The following CHSY3 variants were observed in gnomAD, a reference collection of about 807,000 sequenced individuals.
CHSY3 encodes the protein chondroitin sulfate synthase 3, also known as N-acetylgalactosaminyl-proteoglycan 3-beta-glucuronosyltransferase 3.
Under a neutral mutation model 67.2 loss-of-function variants are expected in CHSY3, and 35 were observed. That is an observed-to-expected ratio of 0.52 (90% CI 0.40 to 0.69). The LOEUF is 0.69. Among genes scored for constraint, CHSY3 ranks in the 30% least tolerant of loss-of-function variants. The probability of loss-of-function intolerance (pLI) is 0.00; values close to 1 mark genes in which losing one functional copy is unlikely to be tolerated. For synonymous variants in CHSY3, 474 were observed against 434.7 expected, an observed-to-expected ratio of 1.09 and a Z score of -1.12; for missense variants, 1,069 against 1,138.5, an observed-to-expected ratio of 0.94 and a Z score of 0.88.
At chr5:129,967,038 T>C (rs1314097076) in intron 2 of CHSY3, among the ~76,000 whole-genome samples, 2 of 151,776 alleles carry the variant, frequency 1.3e-5, no homozygotes, top group African/African-American at 2.4e-5. Flanking sequence ...ATAACCAATT[T>C]AGAGTGGCAG....
intron 2 of CHSY3, among the ~76,000 whole-genome samples, chr5:129,926,323 T>A (rs1399256136): frequency 2.6e-5 from 4 of 152,034 alleles, no homozygotes; most frequent in African/African-American, 9.6e-5. Flanking sequence ...CCATCTGAAA[T>A]GTCTTTATTT....
chr5:130,093,337 A>C (rs1052340707), intron 2 of CHSY3, among the ~76,000 whole-genome samples: 2 of 152,216 alleles, frequency 1.3e-5, no homozygotes, highest in African/African-American at 4.8e-5. Flanking sequence ...CTTTTGAAGC[A>C]CAAGTACTGT....
chr5:129,942,837 CATGTTGCAAGTTGAGTAGTTA>C (rs1233606579), intron 2 of CHSY3, among the ~76,000 whole-genome samples: 2 of 152,128 alleles, frequency 1.3e-5, no homozygotes, highest in Admixed American at 1.3e-4. Context: ...TCACTTATGA[CATGTTGCAAGTTGAGTAGTTA>C]ATGGATATAT....
chr5:129,994,666 G>A (rs1364566629), intron 2 of CHSY3, among the ~76,000 whole-genome samples: 2 of 152,094 alleles, frequency 1.3e-5, no homozygotes, highest in East Asian at 3.9e-4. Context: ...AACAATGATA[G>A]ACTGGTTTAA....
intron 2 of CHSY3, among the ~76,000 whole-genome samples, chr5:130,139,677 A>C (rs1226970870): frequency 1.3e-5 from 2 of 152,216 alleles, no homozygotes; most frequent in East Asian, 3.9e-4. Context: ...TATGGTGAAG[A>C]ATATTCATAA....
At chr5:129,947,979 A>T (rs1449581537) in intron 2 of CHSY3, among the ~76,000 whole-genome samples, 1 of 152,144 alleles carries the variant, frequency 6.6e-6, no homozygotes, top group African/African-American at 2.4e-5. Flanking sequence ...CTATTCAGCT[A>T]TGTATGTTTC....
chr5:130,137,262 C>T (rs1361053919), intron 2 of CHSY3, among the ~76,000 whole-genome samples: 1 of 152,172 alleles, frequency 6.6e-6, no homozygotes, highest in East Asian at 1.9e-4. Flanking sequence ...AACCAAAATA[C>T]ATCTTCCTAC....
chr5:130,011,126 A>C (rs1056675145), intron 2 of CHSY3, among the ~76,000 whole-genome samples: 2 of 152,190 alleles, frequency 1.3e-5, no homozygotes, highest in Non-Finnish European at 2.9e-5. Context: ...TCATGCTCTG[A>C]AGCCAGTATC....
intron 2 of CHSY3, among the ~76,000 whole-genome samples, chr5:130,025,692 G>C (rs1258948336): frequency 1.3e-5 from 2 of 152,142 alleles, no homozygotes; most frequent in East Asian, 3.9e-4. Context: ...TCTTTGGGCT[G>C]TGTCCTCCCA....
In CHSY3 at chr5:129,904,947, C is replaced by G. The variant is rs1274850268; in HGVS notation, c.118C>G (p.Arg40Gly). ...RVAELSERKR[R>G]GSSLCSYYGR... ...GGCGGAGCTGAGCGAGAGGAAGAGA[C>G]GTGGCTCCAGCCTCTGCTCCTACTA... Residue 40 changes from arginine to glycine, a missense_variant, in exon 1 of 3, where the codon CGT becomes GGT. Physicochemically the swap from Arg to Gly is moderately radical, Grantham distance 125. This residue lies in a region of CHSY3 where 309 missense variants were observed against 262.5 expected (regional missense o/e 1.18). Coordinates refer to ENST00000305031, the MANE Select transcript of CHSY3 (RefSeq NM_175856.5). 1 of 1,556,424 alleles carries G rather than the reference C, an allele frequency of 6.4e-7. No homozygotes were observed. The highest frequency in any genetic ancestry group is 8.7e-7 in the Non-Finnish European group (1 of 1,155,726).
intron 2 of CHSY3, among the ~76,000 whole-genome samples, chr5:130,000,582 C>T (rs896179019): frequency 1.4e-5 from 2 of 140,168 alleles, no homozygotes; most frequent in African/African-American, 2.6e-5. Flanking sequence ...TTGTTGCCTT[C>T]TTTCACCCAC....
In CHSY3 at chr5:129,904,609, G is replaced by A; in HGVS notation, c.-221G>A. On this transcript the variant is annotated 5_prime_UTR_variant, in exon 1 of 3. Transcript: ENST00000305031. ...GAAGTTTCACTCCCGACCCTTGCTC[G>A]GAGCCCCGGCCCAGAGCTGAGCGGG... 1.5e-6 allele frequency: 1 copy of A among 688,560 alleles called. No individual in the cohort carries two copies. Among genetic ancestry groups the A allele is most frequent in the East Asian group, 4.1e-5 (1 of 24,278 alleles). 42.7% of individuals were successfully genotyped at this position (688,560 alleles called of 1,614,324 possible). A position where few individuals can be genotyped will look rare whatever the true frequency, so the allele number is the denominator to read the frequency against.
chr5:130,042,672 A>G (rs1057234942), intron 2 of CHSY3, among the ~76,000 whole-genome samples: 4 of 152,142 alleles, frequency 2.6e-5, no homozygotes, highest in African/African-American at 9.7e-5. Flanking sequence ...CTTTCTTAAC[A>G]TGTATAGAAA....
At chr5:130,072,923 T>C (rs968882325) in intron 2 of CHSY3, among the ~76,000 whole-genome samples, 1 of 152,118 alleles carries the variant, frequency 6.6e-6, no homozygotes, top group African/African-American at 2.4e-5. Flanking sequence ...ATCTCACTTA[T>C]ATATGGAATC....
chr5:129,942,944 T>C (rs1487761180), intron 2 of CHSY3, among the ~76,000 whole-genome samples: 1 of 152,194 alleles, frequency 6.6e-6, no homozygotes, highest in Non-Finnish European at 1.5e-5. Flanking sequence ...TTTTCTTGGA[T>C]GTAAAAGAGT....
intron 2 of CHSY3, among the ~76,000 whole-genome samples, chr5:130,096,982 T>C (rs924538408): frequency 1.3e-5 from 2 of 152,266 alleles, no homozygotes; most frequent in Non-Finnish European, 2.9e-5. Context: ...TTAAATATGA[T>C]ATTTTAGTAT....
rs80192568 is a variant in CHSY3 at position 129,939,170 on chromosome 5, G to A, written c.1086+30810G>A. On this transcript the variant is annotated intron_variant, in intron 2 of 2. Coordinates refer to ENST00000305031, the MANE Select transcript of CHSY3 (RefSeq NM_175856.5). Reference sequence around the variant, plus strand: ...AAAGAGAGAGAGTGAACAGGGAAGTGCTACACACTTTGAAATAATCAGATT... The same window carrying A: ...AAAGAGAGAGAGTGAACAGGGAAGTACTACACACTTTGAAATAATCAGATT... Among the ~76,000 whole-genome samples the A allele has an allele frequency of 1.0e-2, 1,516 of 152,258 alleles. 26 individuals are homozygous for A. Among genetic ancestry groups the A allele is most frequent in the African/African-American group, 0.035 (1,453 of 41,548 alleles).
intron 2 of CHSY3, among the ~76,000 whole-genome samples, chr5:129,945,448 A>G (rs1232003281): frequency 1.3e-5 from 2 of 152,218 alleles, no homozygotes; most frequent in Non-Finnish European, 2.9e-5. Context: ...ACAAAATCAA[A>G]TACTTAATTT....
At chr5:130,046,776 T>C (rs1460301049) in intron 2 of CHSY3, among the ~76,000 whole-genome samples, 1 of 152,120 alleles carries the variant, frequency 6.6e-6, no homozygotes, top group African/African-American at 2.4e-5. Context: ...TTTCAGTTTT[T>C]TTAAATTTAC....
Sources: allele counts gnomAD v4.1 joint callset (sites outside exome capture counted in the v4.1 genomes callset), GRCh38; gene constraint gnomAD v4.1.1; regional missense constraint gnomAD v4.1.1; transcripts MANE v1.5; gene names NCBI Gene and HGNC (gene_info 2026-07-23, HGNC 2026-07-21).